The following CASK variants were observed in gnomAD, a reference collection of about 807,000 sequenced individuals.
CASK encodes peripheral plasma membrane protein CASK.
A neutral mutation model predicts 82.9 loss-of-function variants in CASK; 4 were observed. The observed-to-expected ratio is 0.05, with a 90% CI of 0.02 to 0.11. The LOEUF is 0.11. Among genes scored for constraint, CASK ranks in the 10% least tolerant of loss-of-function variants. The probability of loss-of-function intolerance (pLI) is 1.00; values close to 1 mark genes in which losing one functional copy is unlikely to be tolerated. For missense variants in CASK, 358 were observed against 720.9 expected (o/e 0.50, Z 5.76); for synonymous variants, 259 against 253.5 (o/e 1.02, Z -0.20).
chrX:41,624,887 T>TATATGAATATTGA (rs1295591477), intron 10 of CASK, among the ~76,000 whole-genome samples: 4 of 111,358 alleles, frequency 3.6e-5, no homozygotes, highest in Admixed American at 9.6e-5. Flanking sequence ...CCAGTGGTAA[T>TATATGAATATTGA]ATATGAATAT....
chrX:41,636,198 C>G (rs2066552524), intron 9 of CASK, among the ~76,000 whole-genome samples: 1 of 110,865 alleles, frequency 9.0e-6, no homozygotes, highest in Non-Finnish European at 1.9e-5. Context: ...CACCCGGCCC[C>G]TAATTCCAAT....
chrX:41,918,006 T>C (rs913232464), intron 1 of CASK, among the ~76,000 whole-genome samples: 1 of 112,224 alleles, frequency 8.9e-6, no homozygotes, highest in African/African-American at 3.2e-5. Flanking sequence ...ACCTTGTTAC[T>C]TGGCTGTCAC....
chrX:41,850,084 G>A (rs1366921778), intron 2 of CASK, among the ~76,000 whole-genome samples: 1 of 111,945 alleles, frequency 8.9e-6, no homozygotes, highest in East Asian at 2.8e-4. Flanking sequence ...GGCGGCTGAG[G>A]TGGGAGGATA....
At chrX:41,634,469 C>T (rs755607370) in intron 9 of CASK, among the ~76,000 whole-genome samples, 24 of 112,677 alleles carry the variant, frequency 2.1e-4, no homozygotes, top group Non-Finnish European at 3.4e-4. Flanking sequence ...CACATGACCC[C>T]TCTCTGTTTT....
chrX:41,628,617 T>C (rs764415002), intron 9 of CASK, among the ~76,000 whole-genome samples: 10 of 111,763 alleles, frequency 8.9e-5, no homozygotes, highest in Non-Finnish European at 1.7e-4. Flanking sequence ...AAAACATTAA[T>C]AAAATATATT....
intron 5 of CASK, among the ~76,000 whole-genome samples, chrX:41,703,861 G>A (rs2067841872): frequency 8.9e-6 from 1 of 111,871 alleles, no homozygotes; most frequent in Admixed American, 9.5e-5. Flanking sequence ...ACCAACACTT[G>A]GTTTTATCAG....
At chrX:41,632,366 G>A (rs1349782121) in intron 9 of CASK, among the ~76,000 whole-genome samples, 1 of 111,174 alleles carries the variant, frequency 9.0e-6, no homozygotes, top group Non-Finnish European at 1.9e-5. Flanking sequence ...TAGCTTCCTG[G>A]TTGACCTATC....
chrX:41,774,626 T>G (rs1223527716), intron 3 of CASK, among the ~76,000 whole-genome samples: 1 of 111,478 alleles, frequency 9.0e-6, no homozygotes, highest in Non-Finnish European at 1.9e-5. Context: ...GCTACCCAAC[T>G]TCAAACTATA....
At chrX:41,703,238 T>A (rs1324569963) in intron 5 of CASK, among the ~76,000 whole-genome samples, 1 of 112,116 alleles carries the variant, frequency 8.9e-6, no homozygotes, top group Non-Finnish European at 1.9e-5. Context: ...ATCACCCCAA[T>A]TGAAAAGATG....
intron 3 of CASK, among the ~76,000 whole-genome samples, chrX:41,780,256 AAT>A (rs1220399432): frequency 8.9e-6 from 1 of 112,296 alleles, no homozygotes; most frequent in Non-Finnish European, 1.9e-5. Flanking sequence ...CTGTATTTAA[AAT>A]ATGTTTCAGC....
rs763479595 is a variant in CASK at position 41,769,035 on chromosome X, T to C, written c.278+18143A>G. Among the ~76,000 whole-genome samples, 4 of 111,172 alleles carry C rather than the reference T, an allele frequency of 3.6e-5. No individual in the cohort carries two copies. In the South Asian group the frequency reaches 1.1e-3, roughly 32 times the overall value. On this transcript the variant is annotated intron_variant, in intron 3 of 26. Coordinates refer to ENST00000378163, the MANE Select transcript of CASK (RefSeq NM_001367721.1). ...TTTATTTACCATGTGTGAATATAAA[T>C]TGGTAAATCTTTATGGAGAGTAATA...
intron 26 of CASK, among the ~76,000 whole-genome samples, chrX:41,521,253 C>G (rs1266875168): frequency 1.8e-5 from 2 of 112,549 alleles, no homozygotes; most frequent in African/African-American, 6.5e-5. Context: ...TTGAGTGTTA[C>G]AAATAATGGC....
chrX:41,523,967 G>A lies in CASK; in HGVS notation c.2588C>T (p.Thr863Ile), dbSNP rs966502877. The change falls in exon 26 of 27, where the codon ACT (threonine) becomes ATT (isoleucine). Residue 863 changes from threonine (T) to isoleucine (I), a missense_variant. Thr to Ile is a moderately conservative substitution (Grantham distance 89, BLOSUM62 -1). Coordinates refer to ENST00000378163, the MANE Select transcript of CASK (RefSeq NM_001367721.1). ...FVVFIAAPTITPGLNEDESLQ... is the reference protein window; with the variant it reads ...FVVFIAAPTIIPGLNEDESLQ... Reference sequence around the variant, plus strand: ...GATTCTTACCTCATTTAAACCTGGAGTAATAGTTGGTGCAGCAATGAAAAC... The same window carrying A: ...GATTCTTACCTCATTTAAACCTGGAATAATAGTTGGTGCAGCAATGAAAAC... 6 of 1,192,756 alleles carry A rather than the reference G, an allele frequency of 5.0e-6. No individual in the cohort carries two copies. In the Admixed American group the frequency reaches 1.1e-4, roughly 22 times the overall value.
intron 11 of CASK, among the ~76,000 whole-genome samples, chrX:41,622,290 G>A (rs1251637756): frequency 8.9e-6 from 1 of 112,380 alleles, no homozygotes; most frequent in Non-Finnish European, 1.9e-5. Context: ...TTTCTTGAAA[G>A]CAAACTCTAA....
intron 2 of CASK, among the ~76,000 whole-genome samples, chrX:41,808,972 C>G (rs1249623702): frequency 8.9e-6 from 1 of 112,547 alleles, no homozygotes; most frequent in Non-Finnish European, 1.9e-5. Flanking sequence ...GGTCCCACAC[C>G]CACGGAGCCT....
chrX:41,536,591 T>C (rs1320242825), intron 22 of CASK, among the ~76,000 whole-genome samples: 1 of 111,850 alleles, frequency 8.9e-6, no homozygotes, highest in African/African-American at 3.2e-5. Context: ...AAAAGCACCA[T>C]TATCACAATA....
At chrX:41,799,537 T>G (rs2069944269) in intron 2 of CASK, among the ~76,000 whole-genome samples, 1 of 108,787 alleles carries the variant, frequency 9.2e-6, no homozygotes, top group African/African-American at 3.3e-5. Flanking sequence ...AGAGCAAGAC[T>G]CTGTCTCAGA....
intron 5 of CASK, chrX:41,695,967 A>C: frequency 8.3e-7 from 1 of 1,205,618 alleles, no homozygotes; most frequent in South Asian, 1.8e-5. Context: ...TTTCCGAATA[A>C]TGTATCATAT....
intron 12 of CASK, among the ~76,000 whole-genome samples, chrX:41,596,000 G>A (rs913486300): frequency 1.8e-5 from 2 of 110,601 alleles, no homozygotes; most frequent in Non-Finnish European, 3.8e-5. Flanking sequence ...TTCGAGACTA[G>A]CCTGGCCAAC....
Sources: allele counts gnomAD v4.1 joint callset (sites outside exome capture counted in the v4.1 genomes callset), GRCh38; gene constraint gnomAD v4.1.1; transcripts MANE v1.5; gene names NCBI Gene and HGNC (gene_info 2026-07-23, HGNC 2026-07-21).